Variants in NCAM2 observed in about 807,000 individuals in gnomAD.
The protein encoded by NCAM2 is N-CAM-2.
NCAM2 carries 30 observed loss-of-function variants against 98.1 expected under a neutral mutation model. The ratio of observed to expected loss-of-function variants is 0.31; its 90% CI spans 0.23 to 0.41. The LOEUF (loss-of-function observed/expected upper bound fraction) is 0.41, where lower values mean the gene tolerates loss of function less well. NCAM2 is among the 10% of genes least tolerant of loss of function. NCAM2 has a pLI of 1.00. For missense variants in NCAM2, 867 were observed against 1,005.8 expected, an observed-to-expected ratio of 0.86 and a Z score of 1.87; for synonymous variants, 368 against 342.4, an observed-to-expected ratio of 1.07 and a Z score of -0.83.
At chr21:21,168,685 C>T (rs948348928) in intron 1 of NCAM2, among the ~76,000 whole-genome samples, 3 of 131,064 alleles carry the variant, frequency 2.3e-5, no homozygotes, top group African/African-American at 7.6e-5. Context: ...AACTAAAACA[C>T]ATTACTATAT....
intron 8 of NCAM2, among the ~76,000 whole-genome samples, chr21:21,367,326 A>C (rs971925377): frequency 6.6e-6 from 1 of 151,950 alleles, no homozygotes; most frequent in Non-Finnish European, 1.5e-5. Context: ...TATATTCACC[A>C]TCATCCTGAT....
chr21:21,215,621 G>A (rs925164587), intron 1 of NCAM2, among the ~76,000 whole-genome samples: 2 of 152,012 alleles, frequency 1.3e-5, no homozygotes, highest in African/African-American at 2.4e-5. Context: ...CCAGCTACTC[G>A]GTAGGTTGAG....
At chr21:21,104,508 T>G (rs1404328779) in intron 1 of NCAM2, among the ~76,000 whole-genome samples, 1 of 152,206 alleles carries the variant, frequency 6.6e-6, no homozygotes, top group Non-Finnish European at 1.5e-5. Flanking sequence ...GTAAATATTC[T>G]TTGCTCTTGT....
intron 17 of NCAM2, among the ~76,000 whole-genome samples, chr21:21,536,045 A>G (rs894029018): frequency 1.3e-5 from 2 of 152,102 alleles, no homozygotes; most frequent in Admixed American, 6.5e-5. Context: ...GCTTGAGGTG[A>G]CACATTGCTT....
intron 1 of NCAM2, among the ~76,000 whole-genome samples, chr21:21,213,060 A>C (rs973635793): frequency 3.3e-5 from 5 of 152,128 alleles, no homozygotes; most frequent in Non-Finnish European, 7.4e-5. Context: ...TTTAAAATGT[A>C]GATCACTAAC....
At chr21:21,479,459 C>G (rs1279611875) in intron 15 of NCAM2, among the ~76,000 whole-genome samples, 1 of 151,346 alleles carries the variant, frequency 6.6e-6, no homozygotes, top group Non-Finnish European at 1.5e-5. Context: ...TGGTGGACGC[C>G]TGTAGTCCCA....
intron 9 of NCAM2, among the ~76,000 whole-genome samples, chr21:21,400,587 T>G (rs1399120527): frequency 6.8e-5 from 10 of 147,806 alleles, no homozygotes; most frequent in Admixed American, 5.5e-4. Flanking sequence ...ATTAAAATAT[T>G]TACCAAAAAC....
intron 1 of NCAM2, among the ~76,000 whole-genome samples, chr21:21,044,588 A>G: frequency 6.6e-6 from 1 of 152,358 alleles, no homozygotes; most frequent in South Asian, 2.1e-4. Context: ...TTAAAACCAA[A>G]TAAAAATGAT....
intron 1 of NCAM2, among the ~76,000 whole-genome samples, chr21:21,177,979 A>G (rs1262704561): frequency 6.6e-6 from 1 of 152,158 alleles, no homozygotes; most frequent in Non-Finnish European, 1.5e-5. Context: ...CACATATTTT[A>G]TAAAAACAGT....
chr21:21,424,877 C>CA, intron 11 of NCAM2, among the ~76,000 whole-genome samples: 1 of 151,206 alleles, frequency 6.6e-6, no homozygotes, highest in Middle Eastern at 3.5e-3. Context: ...ACTAGAAATA[C>CA]AAAAAAATAT....
chr21:21,335,585 A>G lies in NCAM2; in HGVS notation c.818A>G (p.Asn273Ser), dbSNP rs760767027. Reference protein sequence around the residue: ...NTELTVRNIINSDGGPYVCRA... With the variant: ...NTELTVRNIISSDGGPYVCRA... ...GAACTCACTGTCAGGAACATAATCA[A>G]TAGTGATGGTGGTCCTTATGTCTGC... Residue 273 changes from asparagine (N) to serine (S), a missense_variant, in exon 7 of 18, where the codon AAT becomes AGT. Coordinates refer to ENST00000400546, the MANE Select transcript of NCAM2 (RefSeq NM_004540.5). The G allele has an allele frequency of 8.7e-6, 14 of 1,611,860 alleles. No homozygotes were observed. The highest frequency in any genetic ancestry group is 1.1e-5 in the South Asian group (1 of 90,810).
At chr21:21,130,507 A>G (rs2066911601) in intron 1 of NCAM2, among the ~76,000 whole-genome samples, 1 of 152,172 alleles carries the variant, frequency 6.6e-6, no homozygotes, top group Non-Finnish European at 1.5e-5. Context: ...TCCCGAATGT[A>G]AAAGCCTAAA....
chr21:21,358,827 G>T (rs780355600), intron 8 of NCAM2, among the ~76,000 whole-genome samples: 2 of 151,562 alleles, frequency 1.3e-5, no homozygotes, highest in Non-Finnish European at 2.9e-5. Flanking sequence ...CAGTTGGCTC[G>T]GTAAATATTA....
chr21:21,487,415 T>A (rs1475993324), intron 15 of NCAM2, among the ~76,000 whole-genome samples: 1 of 152,154 alleles, frequency 6.6e-6, no homozygotes, highest in Admixed American at 6.5e-5. Flanking sequence ...CAATGGAGTT[T>A]TACATAAAAT....
At chr21:21,264,996 G>GTATGTGTA (rs1555846941) in intron 1 of NCAM2, among the ~76,000 whole-genome samples, 517 of 28,402 alleles carry the variant, frequency 0.018, 27 homozygotes, top group African/African-American at 0.049. Context: ...ATGTGTATGT[G>GTATGTGTA]TATATATACA....
chr21:21,435,708 CCATA>C (rs1057429517), intron 12 of NCAM2, among the ~76,000 whole-genome samples: 11 of 152,146 alleles, frequency 7.2e-5, no homozygotes, highest in African/African-American at 2.7e-4. Context: ...CTACATGTTT[CCATA>C]CAGTTTCTTA....
intron 1 of NCAM2, among the ~76,000 whole-genome samples, chr21:21,056,046 C>T (rs2065203346): frequency 6.6e-6 from 1 of 151,842 alleles, no homozygotes; most frequent in Admixed American, 6.6e-5. Flanking sequence ...TGTTCTCTCT[C>T]TAGGTAAAGA....
intron 16 of NCAM2, among the ~76,000 whole-genome samples, chr21:21,514,603 C>G (rs911029553): frequency 6.6e-6 from 1 of 151,930 alleles, no homozygotes; most frequent in Admixed American, 6.6e-5. Flanking sequence ...GTCAGTAAGG[C>G]CCTCTATATT....
chr21:21,275,989 G>A (rs949919032), intron 1 of NCAM2, among the ~76,000 whole-genome samples: 5 of 152,056 alleles, frequency 3.3e-5, no homozygotes, highest in Non-Finnish European at 7.4e-5. Flanking sequence ...GATGGACCTT[G>A]TCTATACTGA....
Sources: allele counts gnomAD v4.1 joint callset (sites outside exome capture counted in the v4.1 genomes callset), GRCh38; gene constraint gnomAD v4.1.1; transcripts MANE v1.5; gene names NCBI Gene and HGNC (gene_info 2026-07-23, HGNC 2026-07-21).